TSHZ2: variants seen among roughly 807,000 people sequenced by gnomAD.
TSHZ2 encodes teashirt zinc finger homeobox 2, also known as teashirt homolog 2.
In TSHZ2, 21 loss-of-function variants were observed where a neutral mutation model predicts 74.4. The ratio of observed to expected loss-of-function variants is 0.28; its 90% CI spans 0.20 to 0.41. TSHZ2 has a LOEUF of 0.41. TSHZ2 is among the 10% of genes least tolerant of loss of function. TSHZ2 has a pLI of 1.00. For synonymous variants in TSHZ2, 540 were observed against 515.3 expected, an observed-to-expected ratio of 1.05 and a Z score of -0.65; for missense variants, 1,244 against 1,293.5, an observed-to-expected ratio of 0.96 and a Z score of 0.59.
At chr20:53,308,760 C>T (rs979444853) in intron 2 of TSHZ2, among the ~76,000 whole-genome samples, 1 of 152,156 alleles carries the variant, frequency 6.6e-6, no homozygotes, top group African/African-American at 2.4e-5. Context: ...TGGTGTTCGA[C>T]ATTACTGTTT....
chr20:53,316,670 A>T (rs1035836229), intron 2 of TSHZ2, among the ~76,000 whole-genome samples: 6 of 151,672 alleles, frequency 4.0e-5, no homozygotes, highest in African/African-American at 1.2e-4. Context: ...GGGTAAGTTC[A>T]TCAAAGCTGA....
At chr20:53,349,406 C>A (rs547349915) in intron 2 of TSHZ2, among the ~76,000 whole-genome samples, 3 of 152,328 alleles carry the variant, frequency 2.0e-5, no homozygotes, top group African/African-American at 7.2e-5. Context: ...AATCCTAGCA[C>A]TTTAAGAGGC....
chr20:53,432,891 T>C (rs1983896964), intron 2 of TSHZ2, among the ~76,000 whole-genome samples: 1 of 152,190 alleles, frequency 6.6e-6, no homozygotes, highest in South Asian at 2.1e-4. Flanking sequence ...CATCCAGAAG[T>C]AGGCAACAAT....
chr20:53,361,445 G>A (rs1981050444), intron 2 of TSHZ2, among the ~76,000 whole-genome samples: 1 of 152,164 alleles, frequency 6.6e-6, no homozygotes, highest in African/African-American at 2.4e-5. Flanking sequence ...TGTGGAGTGG[G>A]TATAGATCTG....
intron 2 of TSHZ2, among the ~76,000 whole-genome samples, chr20:53,439,769 A>G (rs1453845578): frequency 8.5e-5 from 13 of 152,218 alleles, no homozygotes; most frequent in Admixed American, 7.2e-4. Flanking sequence ...CTTGTTTTCA[A>G]ACTGAATTGT....
intron 2 of TSHZ2, among the ~76,000 whole-genome samples, chr20:53,401,496 T>C (rs2145679876): frequency 6.6e-6 from 1 of 152,336 alleles, no homozygotes; most frequent in South Asian, 2.1e-4. Flanking sequence ...ACCCATCACC[T>C]GAGCAGTGTA....
chr20:53,414,482 G>C (rs138150822), intron 2 of TSHZ2, among the ~76,000 whole-genome samples: 1 of 151,900 alleles, frequency 6.6e-6, no homozygotes, highest in Admixed American at 6.6e-5. Context: ...TTAGCCAGGC[G>C]TGGTGGCACA....
chr20:53,063,120 C>A (rs565263116), intron 1 of TSHZ2, among the ~76,000 whole-genome samples: 1 of 151,936 alleles, frequency 6.6e-6, no homozygotes, highest in Non-Finnish European at 1.5e-5. Flanking sequence ...TGAAATATTG[C>A]GAGAATTACC....
At chr20:53,265,357 T>C (rs1004057676) in intron 2 of TSHZ2, among the ~76,000 whole-genome samples, 2 of 152,054 alleles carry the variant, frequency 1.3e-5, no homozygotes, top group Non-Finnish European at 2.9e-5. Flanking sequence ...CTGGCAAGCA[T>C]GAGAGGGGCT....
intron 2 of TSHZ2, among the ~76,000 whole-genome samples, chr20:53,307,423 G>A (rs756114242): frequency 3.9e-5 from 6 of 152,126 alleles, no homozygotes; most frequent in Non-Finnish European, 7.4e-5. Context: ...CTGCATCATA[G>A]CAGCTGTTTC....
chr20:53,066,215 C>T (rs1164860191), intron 1 of TSHZ2, among the ~76,000 whole-genome samples: 1 of 152,116 alleles, frequency 6.6e-6, no homozygotes, highest in Admixed American at 6.5e-5. Context: ...CTTGAATCGC[C>T]AAACTCAAGG....
chr20:53,275,451 C>A (rs1358089995), intron 2 of TSHZ2, among the ~76,000 whole-genome samples: 1 of 151,896 alleles, frequency 6.6e-6, no homozygotes, highest in African/African-American at 2.4e-5. Flanking sequence ...ATCTATAATA[C>A]ATGGCATTAA....
At chr20:53,346,521 A>G (rs1414980135) in intron 2 of TSHZ2, among the ~76,000 whole-genome samples, 1 of 152,194 alleles carries the variant, frequency 6.6e-6, no homozygotes, top group African/African-American at 2.4e-5. Context: ...GACAGTAAAT[A>G]TCTTATTGTG....
chr20:53,363,373 T>TTA (rs1981137586), intron 2 of TSHZ2, among the ~76,000 whole-genome samples: 3 of 152,228 alleles, frequency 2.0e-5, no homozygotes, highest in Non-Finnish European at 4.4e-5. Flanking sequence ...ACATTGAGTG[T>TTA]AACAGGGTTC....
chr20:53,016,933 T>C (rs565463013), intron 1 of TSHZ2, among the ~76,000 whole-genome samples: 7 of 152,142 alleles, frequency 4.6e-5, no homozygotes, highest in Non-Finnish European at 1.0e-4. Flanking sequence ...GGGGCTTGCT[T>C]GTTTTCATCA....
chr20:53,248,461 G>T (rs371418695), intron 1 of TSHZ2, among the ~76,000 whole-genome samples: 7 of 152,176 alleles, frequency 4.6e-5, no homozygotes, highest in African/African-American at 1.4e-4. Flanking sequence ...TACTATTAGG[G>T]TAAAACAAAT....
At chr20:53,373,563 C>A (rs188242537) in intron 2 of TSHZ2, among the ~76,000 whole-genome samples, 2 of 152,196 alleles carry the variant, frequency 1.3e-5, no homozygotes, top group East Asian at 3.9e-4. Flanking sequence ...AGTGAGGAAA[C>A]CAATGTTGTC....
chr20:53,358,938 T>C (rs552542606), intron 2 of TSHZ2, among the ~76,000 whole-genome samples: 120 of 152,358 alleles, frequency 7.9e-4, no homozygotes, highest in African/African-American at 2.8e-3. Flanking sequence ...TGCTATTTAT[T>C]ATTTTAGGAA....
intron 1 of TSHZ2, among the ~76,000 whole-genome samples, chr20:53,105,540 C>A (rs1986336538): frequency 6.6e-6 from 1 of 152,048 alleles, no homozygotes. Flanking sequence ...TTCTGAATGC[C>A]CAAAGGCCTT....
Sources: gnomAD v4.1 joint callset for allele counts (sites outside exome capture counted in the v4.1 genomes callset) on GRCh38, gnomAD v4.1.1 for gene constraint, MANE v1.5 for transcripts, NCBI Gene and HGNC (gene_info 2026-07-23, HGNC 2026-07-21) for gene names.